The following LRRN2 variants were observed in gnomAD, a reference collection of about 807,000 sequenced individuals.
The protein encoded by LRRN2 is leucine rich repeat neuronal 2.
In LRRN2, 10 loss-of-function variants were observed where a neutral mutation model predicts 35.7. The ratio of observed to expected loss-of-function variants is 0.28; its 90% CI spans 0.17 to 0.47. The LOEUF is 0.47. LRRN2 is among the 20% of genes least tolerant of loss of function. LRRN2 has a pLI of 0.99. For missense variants in LRRN2, 731 were observed against 940.3 expected, an observed-to-expected ratio of 0.78 and a Z score of 2.91; for synonymous variants, 391 against 409.6, an observed-to-expected ratio of 0.95 and a Z score of 0.55.
At chr1:204,626,985 A>AAAAGCTTGAAAACCATT (rs1667433914) in intron 1 of LRRN2, 1 of 151,402 alleles carries the variant, frequency 6.6e-6, no homozygotes, top group Non-Finnish European at 1.5e-5. Context: ...CTGTAGCTAT[A>AAAAGCTTGAAAACCATT]AAAGCTTGAA....
Position 204,631,256 on chromosome 1 carries a change from CTATATATATATATATATATA to C in LRRN2, c.-226-11058_-226-11039del, listed in dbSNP as rs1162626713. ...CAAGAAGAGTGATACCTAGAGTGTT[CTATATATATATATATATATA>C]TATATATATATATATATATATATAT... On this transcript the variant is annotated intron_variant, in intron 1 of 1. Transcript: ENST00000367177. Among the ~76,000 whole-genome samples, 25 of 36,922 alleles carry C rather than the reference CTATATATATATATATATATA, an allele frequency of 6.8e-4. 2 individuals are homozygous for C. Among genetic ancestry groups the C allele is most frequent in the Middle Eastern group, 0.014 (1 of 74 alleles). The allele number at this position is 36,922 out of a possible 152,430, so 24.2% of individuals were successfully genotyped here.
intron 1 of LRRN2, among the ~76,000 whole-genome samples, chr1:204,640,448 T>C (rs1667953109): frequency 6.6e-6 from 1 of 152,144 alleles, no homozygotes; most frequent in African/African-American, 2.4e-5. Flanking sequence ...TATTATCAGA[T>C]AGAAGAAACA....
rs1666776548 is a variant in LRRN2 at position 204,620,189 on chromosome 1, A to C, written c.-197T>G. On this transcript the variant is annotated 5_prime_UTR_variant, in exon 2 of 2. The change abolishes the stop of an existing upstream ORF in the 5' untranslated region. Transcript: ENST00000367177. ...TTGTCCTCTGGGGCTGGGCCTGCTCAGTCATTGCCAGGCCCCATCAGGGGC... is the reference window on the plus strand; with the variant it reads ...TTGTCCTCTGGGGCTGGGCCTGCTCCGTCATTGCCAGGCCCCATCAGGGGC... The C allele has an allele frequency of 2.1e-6, 3 of 1,444,610 alleles. No homozygotes were observed. The South Asian group carries it at 4.5e-5, about 22-fold the overall frequency. 89.5% of individuals were successfully genotyped at this position (1,444,610 alleles called of 1,614,324 possible).
At position 204,617,941 on chromosome 1, in the gene LRRN2, A is replaced by C. The variant is rs1190834949; in HGVS notation, c.2052T>G (p.Ala684=). ...WSAPSVRVVS[A]PLVLPWNPGR... ...CTGGATTCCAGGGCAGGACGAGGGG[A>C]GCAGACACAACCCGGACAGAAGGGG... Residue 684 remains alanine, a synonymous_variant, in exon 2 of 2, where the codon GCT becomes GCG. Coordinates refer to ENST00000367177, the MANE Select transcript of LRRN2 (RefSeq NM_201630.2). The C allele has an allele frequency of 6.2e-7, 1 of 1,613,840 alleles. No homozygotes were observed. Among genetic ancestry groups the C allele is most frequent in the Non-Finnish European group, 8.5e-7 (1 of 1,180,036 alleles).
intron 1 of LRRN2, among the ~76,000 whole-genome samples, chr1:204,624,940 G>A (rs192083611): frequency 4.6e-5 from 7 of 152,358 alleles, no homozygotes; most frequent in African/African-American, 1.7e-4. Context: ...CGCTGGGTGG[G>A]AGGGATGCTG....
chr1:204,627,763 C>T (rs963965984), intron 1 of LRRN2, among the ~76,000 whole-genome samples: 1 of 152,250 alleles, frequency 6.6e-6, no homozygotes, highest in Non-Finnish European at 1.5e-5. Context: ...TTCTGACCCC[C>T]TGCACCCATC....
Position 204,682,792 on chromosome 1 carries a change from C to G in LRRN2, c.-227+2528G>C, listed in dbSNP as rs1036657472. ...TCAGGTCAGAAAAGTATCCTAAGGA[C>G]AGGATGACTTAAGCGGTACCTGGCA... On this transcript the variant is annotated intron_variant, in intron 1 of 1. Coordinates refer to ENST00000367177, the MANE Select transcript of LRRN2 (RefSeq NM_201630.2). The G allele has an allele frequency of 3.9e-5, 6 of 152,162 alleles. No homozygotes were observed. In the South Asian group the frequency reaches 1.2e-3, roughly 32 times the overall value. The allele number at this position is 152,162 out of a possible 1,614,324, so 9.4% of individuals were successfully genotyped here.
In LRRN2 at chr1:204,618,682, AC is replaced by A. The variant is rs1666587237; in HGVS notation, c.1310del (p.Ser437MetfsTer29). The A allele has an allele frequency of 6.2e-7, 1 of 1,600,218 alleles. No individual in the cohort carries two copies. ...GGCAATGCAGCACCATGCTCTCTCC[AC>A]TGGCTACCTGGAGGCTTGGGGGGAA... ...RSFPPSLQVASGESMVLHCRA... is the reference protein window; with the variant it reads ...RSFPPSLQVAXGESMVLHCRA... On this transcript the variant is annotated frameshift_variant, in exon 2 of 2. Coordinates refer to ENST00000367177, the MANE Select transcript of LRRN2 (RefSeq NM_201630.2). LOFTEE classifies it high-confidence loss of function.
At chr1:204,654,901 T>G (rs1156446773) in intron 1 of LRRN2, among the ~76,000 whole-genome samples, 1 of 152,216 alleles carries the variant, frequency 6.6e-6, no homozygotes, top group Non-Finnish European at 1.5e-5. Context: ...ACTTCCCTTC[T>G]TGCCACCCCC....
intron 1 of LRRN2, among the ~76,000 whole-genome samples, chr1:204,665,720 T>C (rs1390207659): frequency 6.6e-6 from 1 of 152,242 alleles, no homozygotes; most frequent in Non-Finnish European, 1.5e-5. Flanking sequence ...GCCCATCTCC[T>C]GGGCGCTGTG....
intron 1 of LRRN2, among the ~76,000 whole-genome samples, chr1:204,650,127 A>C (rs1668190906): frequency 1.3e-5 from 2 of 152,184 alleles, no homozygotes; most frequent in South Asian, 2.1e-4. Context: ...TCAGCCTCTG[A>C]TGCAAGGGGG....
intron 1 of LRRN2, among the ~76,000 whole-genome samples, chr1:204,647,338 C>T (rs1668127945): frequency 6.6e-6 from 1 of 152,194 alleles, no homozygotes. Flanking sequence ...CTGTTACCCA[C>T]ATCTGTCAGC....
intron 1 of LRRN2, chr1:204,620,714 G>GTA (rs1666830958): frequency 6.0e-6 from 1 of 167,746 alleles, no homozygotes; most frequent in Non-Finnish European, 1.5e-5. Flanking sequence ...AGAGGAAGGT[G>GTA]TATGTGTGTG....
intron 1 of LRRN2, among the ~76,000 whole-genome samples, chr1:204,662,422 A>G (rs988557850): frequency 1.3e-5 from 2 of 152,152 alleles, no homozygotes; most frequent in Non-Finnish European, 2.9e-5. Context: ...TGTCAACTTT[A>G]CAGATGATGA....
Position 204,619,995 on chromosome 1 carries a change from T to C in LRRN2, c.-3A>G. 6.2e-7 allele frequency: 1 copy of C among 1,605,452 alleles called. No individual in the cohort carries two copies. Among genetic ancestry groups the C allele is most frequent in the Non-Finnish European group, 8.5e-7 (1 of 1,176,704 alleles). On this transcript the variant is annotated 5_prime_UTR_variant, in exon 2 of 2. Transcript: ENST00000367177. Reference sequence around the variant, plus strand: ...AGTGGGGCCACGAGAAGCCTCATGGTGGAGCTGCAGGGCAGGGGACCATTC... The same window carrying C: ...AGTGGGGCCACGAGAAGCCTCATGGCGGAGCTGCAGGGCAGGGGACCATTC...
intron 1 of LRRN2, among the ~76,000 whole-genome samples, chr1:204,637,122 T>C (rs769198352): frequency 6.6e-6 from 1 of 152,184 alleles, no homozygotes; most frequent in Non-Finnish European, 1.5e-5. Flanking sequence ...TAAAATTCCC[T>C]TTACTGTGCG....
rs80035793 is a variant in LRRN2 at position 204,636,032 on chromosome 1, C to T, written c.-226-15814G>A. On this transcript the variant is annotated intron_variant, in intron 1 of 1. Coordinates refer to ENST00000367177, the MANE Select transcript of LRRN2 (RefSeq NM_201630.2). ...TCACTATGGTCAGCACACCTGCAGCCGGCCATCTCTGTTAATGTCACCAGC... is the reference window on the plus strand; with the variant it reads ...TCACTATGGTCAGCACACCTGCAGCTGGCCATCTCTGTTAATGTCACCAGC... Among the ~76,000 whole-genome samples, 159 of 152,282 alleles carry T rather than the reference C, an allele frequency of 1.0e-3. 1 individual carries two copies. The highest frequency in any genetic ancestry group is 3.6e-3 in the African/African-American group (150 of 41,544).
chr1:204,664,606 A>T (rs1668538773), intron 1 of LRRN2: 1 of 152,258 alleles, frequency 6.6e-6, no homozygotes, highest in Non-Finnish European at 1.5e-5. Context: ...AAATAACGAT[A>T]TAAATGCCCC....
chr1:204,675,462 G>T (rs1246541134), intron 1 of LRRN2, among the ~76,000 whole-genome samples: 1 of 152,188 alleles, frequency 6.6e-6, no homozygotes, highest in East Asian at 1.9e-4. Flanking sequence ...GACTTTCCCA[G>T]CTTCTTAGAC....
Sources: gnomAD v4.1 joint callset for allele counts (sites outside exome capture counted in the v4.1 genomes callset) on GRCh38, gnomAD v4.1.1 for gene constraint, MANE v1.5 for transcripts, NCBI Gene and HGNC (gene_info 2026-07-23, HGNC 2026-07-21) for gene names.